The following B3GALT1 variants were observed in gnomAD, a reference collection of about 807,000 sequenced individuals.
The protein encoded by B3GALT1 is UDP-Gal:betaGlcNAc beta 1,3-galactosyltransferase, polypeptide 1.
B3GALT1 carries 10 observed loss-of-function variants against 23.2 expected under a neutral mutation model. The ratio of observed to expected loss-of-function variants is 0.43; its 90% CI spans 0.27 to 0.73. The LOEUF is 0.73. B3GALT1 is among the 30% of genes least tolerant of loss of function. The pLI is 0.21. For synonymous variants in B3GALT1, 156 were observed against 141.5 expected (o/e 1.10, Z -0.73); for missense variants, 299 against 405.4 (o/e 0.74, Z 2.25).
chr2:167,703,972 G>A (rs1452516083), intron 3 of B3GALT1, among the ~76,000 whole-genome samples: 2 of 152,006 alleles, frequency 1.3e-5, no homozygotes, highest in Non-Finnish European at 2.9e-5. Context: ...ACGAGGTCAG[G>A]AGATCAAGAC....
chr2:167,373,750 G>A (rs957389289), intron 1 of B3GALT1, among the ~76,000 whole-genome samples: 1 of 152,076 alleles, frequency 6.6e-6, no homozygotes, highest in East Asian at 1.9e-4. Flanking sequence ...GTAGAGATGG[G>A]GTTTCTCCAT....
At chr2:167,496,959 A>T (rs1699791082) in intron 2 of B3GALT1, among the ~76,000 whole-genome samples, 1 of 152,182 alleles carries the variant, frequency 6.6e-6, no homozygotes, top group Admixed American at 6.6e-5. Flanking sequence ...TAGTTAAATG[A>T]TGAGTTAATG....
intron 1 of B3GALT1, among the ~76,000 whole-genome samples, chr2:167,321,499 A>G (rs945311961): frequency 1.3e-5 from 2 of 152,038 alleles, no homozygotes; most frequent in Non-Finnish European, 2.9e-5. Flanking sequence ...TCTCCTGTCA[A>G]TGCACAGAGA....
At chr2:167,567,580 T>G (rs1367027460) in intron 2 of B3GALT1, among the ~76,000 whole-genome samples, 1 of 152,166 alleles carries the variant, frequency 6.6e-6, no homozygotes, top group African/African-American at 2.4e-5. Flanking sequence ...CAACTTTACT[T>G]TTTTAGAGCA....
intron 1 of B3GALT1, among the ~76,000 whole-genome samples, chr2:167,416,345 C>G (rs1208222143): frequency 1.3e-5 from 2 of 152,194 alleles, no homozygotes; most frequent in African/African-American, 4.8e-5. Context: ...CAGCTCACTG[C>G]TTAAGAAGAT....
chr2:167,827,387 G>A (rs1689252809), intron 4 of B3GALT1, among the ~76,000 whole-genome samples: 1 of 152,190 alleles, frequency 6.6e-6, no homozygotes, highest in Admixed American at 6.5e-5. Flanking sequence ...ACGGTCAGTT[G>A]GAAATATGAC....
intron 2 of B3GALT1, among the ~76,000 whole-genome samples, chr2:167,534,934 A>G (rs967878493): frequency 1.3e-5 from 2 of 152,156 alleles, no homozygotes. Flanking sequence ...TGAGGTTAAG[A>G]TTTTGTTATC....
At chr2:167,482,161 C>G (rs1370271733) in intron 1 of B3GALT1, among the ~76,000 whole-genome samples, 1 of 152,162 alleles carries the variant, frequency 6.6e-6, no homozygotes, top group East Asian at 1.9e-4. Flanking sequence ...AAAGACATCT[C>G]TCCTCACAGT....
At chr2:167,499,960 CA>C (rs1699829483) in intron 2 of B3GALT1, among the ~76,000 whole-genome samples, 1 of 151,900 alleles carries the variant, frequency 6.6e-6, no homozygotes, top group South Asian at 2.1e-4. Flanking sequence ...ACTGGCAGGT[CA>C]GGGGTGGTGT....
chr2:167,495,251 A>C (rs1398526749), intron 2 of B3GALT1, among the ~76,000 whole-genome samples: 2 of 152,012 alleles, frequency 1.3e-5, no homozygotes, highest in Non-Finnish European at 2.9e-5. Context: ...AGTGATGAGA[A>C]AGTGAAACTT....
intron 3 of B3GALT1, among the ~76,000 whole-genome samples, chr2:167,747,697 A>G (rs1687673315): frequency 6.6e-6 from 1 of 152,260 alleles, no homozygotes; most frequent in Non-Finnish European, 1.5e-5. Flanking sequence ...CAGGGAACAT[A>G]GTTTCCTGCG....
intron 2 of B3GALT1, among the ~76,000 whole-genome samples, chr2:167,633,610 G>A (rs1685497993): frequency 6.6e-6 from 1 of 151,974 alleles, no homozygotes; most frequent in Admixed American, 6.6e-5. Context: ...TAATGGTAAA[G>A]GGATCAATTC....
intron 2 of B3GALT1, among the ~76,000 whole-genome samples, chr2:167,589,137 G>A (rs1031684853): frequency 6.6e-6 from 1 of 151,954 alleles, no homozygotes; most frequent in African/African-American, 2.4e-5. Context: ...GTAGAGATAG[G>A]GTCTCCTTAT....
chr2:167,562,211 G>T (rs1482793410), intron 2 of B3GALT1, among the ~76,000 whole-genome samples: 4 of 152,176 alleles, frequency 2.6e-5, no homozygotes, highest in East Asian at 1.9e-4. Context: ...AAAACCACAT[G>T]ATTATCTCAA....
chr2:167,663,367 A>G (rs1187648782), intron 3 of B3GALT1, among the ~76,000 whole-genome samples: 3 of 151,362 alleles, frequency 2.0e-5, no homozygotes, highest in East Asian at 1.9e-4. Flanking sequence ...TCATTGTTGG[A>G]CATTTGGGTT....
intron 3 of B3GALT1, among the ~76,000 whole-genome samples, chr2:167,658,172 C>G (rs1446472366): frequency 6.6e-6 from 1 of 152,022 alleles, no homozygotes; most frequent in East Asian, 1.9e-4. Flanking sequence ...AGGGCTCCTG[C>G]ACTTGTAAGG....
At chr2:167,444,383 C>A (rs750586397) in intron 1 of B3GALT1, among the ~76,000 whole-genome samples, 9 of 152,118 alleles carry the variant, frequency 5.9e-5, no homozygotes, top group Non-Finnish European at 1.2e-4. Context: ...TGGCCTCATA[C>A]AATGAGTTAG....
intron 1 of B3GALT1, among the ~76,000 whole-genome samples, chr2:167,390,584 T>C (rs1023199748): frequency 6.6e-6 from 1 of 152,234 alleles, no homozygotes; most frequent in Non-Finnish European, 1.5e-5. Context: ...AATTCTGATA[T>C]GCCCTTTCTC....
intron 2 of B3GALT1, among the ~76,000 whole-genome samples, chr2:167,635,931 G>T (rs1342406610): frequency 1.3e-5 from 2 of 151,960 alleles, no homozygotes; most frequent in Non-Finnish European, 2.9e-5. Context: ...CACGCTACCT[G>T]ACTTCAAACT....
Sources: allele counts gnomAD v4.1 joint callset (sites outside exome capture counted in the v4.1 genomes callset), GRCh38; gene constraint gnomAD v4.1.1; transcripts MANE v1.5; gene names NCBI Gene and HGNC (gene_info 2026-07-23, HGNC 2026-07-21).